The following PTK2 variants were observed in gnomAD, a reference collection of about 807,000 sequenced individuals.
PTK2 encodes protein tyrosine kinase 2.
PTK2 carries 45 observed loss-of-function variants against 150.1 expected under a neutral mutation model. That is an observed-to-expected ratio of 0.30 (90% CI 0.24 to 0.38). PTK2 has a LOEUF of 0.38. Among genes scored for constraint, PTK2 ranks in the 10% least tolerant of loss-of-function variants. PTK2 has a pLI of 1.00. For synonymous variants in PTK2, 432 were observed against 449.2 expected (o/e 0.96, Z 0.48); for missense variants, 919 against 1,307.3 (o/e 0.70, Z 4.58).
chr8:140,927,145 G>C (rs904921339), intron 1 of PTK2, among the ~76,000 whole-genome samples: 1 of 152,150 alleles, frequency 6.6e-6, no homozygotes, highest in African/African-American at 2.4e-5. Context: ...TTATAAAACA[G>C]AGTTTTTTTT....
chr8:140,935,373 A>G (rs567673455), intron 1 of PTK2, among the ~76,000 whole-genome samples: 9 of 152,224 alleles, frequency 5.9e-5, no homozygotes, highest in East Asian at 5.8e-4. Flanking sequence ...GTAAGCACCT[A>G]TGCCTCAGAG....
intron 1 of PTK2, among the ~76,000 whole-genome samples, chr8:140,945,948 A>C (rs1182787070): frequency 1.3e-5 from 2 of 152,098 alleles, no homozygotes; most frequent in African/African-American, 4.8e-5. Context: ...TTTTTCAATC[A>C]GTATTTTCTA....
At chr8:140,907,531 A>G (rs553871932) in intron 2 of PTK2, among the ~76,000 whole-genome samples, 1 of 152,282 alleles carries the variant, frequency 6.6e-6, no homozygotes, top group East Asian at 1.9e-4. Context: ...ATAGAAATTG[A>G]TAATTCATCC....
At chr8:140,811,345 G>A (rs2100101432) in intron 10 of PTK2, among the ~76,000 whole-genome samples, 1 of 152,188 alleles carries the variant, frequency 6.6e-6, no homozygotes, top group Admixed American at 6.5e-5. Flanking sequence ...CCAGTCAGTT[G>A]AGTCCACCTT....
intron 22 of PTK2, among the ~76,000 whole-genome samples, chr8:140,731,118 C>T (rs534412173): frequency 1.6e-4 from 25 of 152,130 alleles, no homozygotes; most frequent in African/African-American, 5.8e-4. Context: ...TGCCACCACG[C>T]CGGGCTAATT....
exon 3 of PTK2, chr8:140,890,580 G>C: frequency 1.2e-6 from 2 of 1,613,996 alleles, no homozygotes; most frequent in Non-Finnish European, 1.7e-6. Flanking sequence ...GATAATACTG[G>C]CCCAGGTGGT....
At chr8:140,840,696 T>C (rs2100121830) in intron 7 of PTK2, among the ~76,000 whole-genome samples, 1 of 152,092 alleles carries the variant, frequency 6.6e-6, no homozygotes, top group African/African-American at 2.4e-5. Context: ...ACACAGCACA[T>C]GCACTCACAC....
chr8:140,694,848 C>G (rs1043539112), intron 26 of PTK2, among the ~76,000 whole-genome samples: 8 of 152,228 alleles, frequency 5.3e-5, no homozygotes, highest in African/African-American at 1.2e-4. Flanking sequence ...AACCAGAGAC[C>G]TAGCTGCCAC....
intron 14 of PTK2, among the ~76,000 whole-genome samples, chr8:140,783,887 G>A (rs553856693): frequency 6.6e-6 from 1 of 152,180 alleles, no homozygotes; most frequent in Non-Finnish European, 1.5e-5. Flanking sequence ...GGCCAGGCGT[G>A]GTGGCTCACG....
chr8:140,890,545 T>C, exon 3 of PTK2: 1 of 1,613,054 alleles, frequency 6.2e-7, no homozygotes. Flanking sequence ...GTACTTACCC[T>C]GACATCAGTA....
chr8:140,854,681 G>C (rs1164905974), intron 5 of PTK2, among the ~76,000 whole-genome samples: 1 of 152,018 alleles, frequency 6.6e-6, no homozygotes, highest in Non-Finnish European at 1.5e-5. Flanking sequence ...AAAATATTTA[G>C]TAAGTCATTG....
At chr8:140,760,258 A>C (rs973546532) in intron 16 of PTK2, among the ~76,000 whole-genome samples, 3 of 152,112 alleles carry the variant, frequency 2.0e-5, no homozygotes, top group Admixed American at 6.6e-5. Flanking sequence ...ATATATATAT[A>C]TCCACAGAAA....
rs187832445 is a variant in PTK2, at chr8:140,827,925, G to C, written c.648+2547C>G. Among the ~76,000 whole-genome samples the C allele has an allele frequency of 4.3e-3, 657 of 152,268 alleles. 4 individuals carry two copies. The highest frequency in any genetic ancestry group is 0.015 in the African/African-American group (625 of 41,570). ...CTCACGCCTGTAATCCCAGCACTTTGGGAGGCCAAGGTGGGTGGATCACTT... is the reference window on the plus strand; with the variant it reads ...CTCACGCCTGTAATCCCAGCACTTTCGGAGGCCAAGGTGGGTGGATCACTT... On this transcript the variant is annotated intron_variant, in intron 8 of 31. Coordinates refer to ENST00000522684, the Ensembl canonical transcript of PTK2.
chr8:140,991,869 C>T (rs761204992), intron 1 of PTK2, among the ~76,000 whole-genome samples: 2 of 151,992 alleles, frequency 1.3e-5, no homozygotes, highest in African/African-American at 2.4e-5. Context: ...ATCAGCTAGG[C>T]GTAGTGGCAT....
At chr8:140,909,458 GAGA>G (rs1429077210) in intron 2 of PTK2, 1 of 152,098 alleles carries the variant, frequency 6.6e-6, no homozygotes, top group African/African-American at 2.4e-5. Flanking sequence ...CCTACAACTG[GAGA>G]AGGTTAGAAA....
intron 1 of PTK2, among the ~76,000 whole-genome samples, chr8:140,930,143 G>C (rs1454473747): frequency 1.3e-5 from 2 of 152,116 alleles, no homozygotes; most frequent in East Asian, 3.9e-4. Context: ...TTGTAATACT[G>C]AAACACTGTT....
rs193223649 is a variant in PTK2 at position 140,676,221 on chromosome 8, C to G, written c.2563-722G>C. Among the ~76,000 whole-genome samples the G allele has an allele frequency of 1.8e-3, 266 of 151,996 alleles. 1 individual carries two copies. Among genetic ancestry groups the G allele is most frequent in the Middle Eastern group, 6.8e-3 (2 of 294 alleles). Reference sequence around the variant, plus strand: ...CAAAACCCTGTCTCTACTAAAAACACAAAAATTAGCTGGGCGTGGTGGTAC... The same window carrying G: ...CAAAACCCTGTCTCTACTAAAAACAGAAAAATTAGCTGGGCGTGGTGGTAC... On this transcript the variant is annotated intron_variant, in intron 27 of 31. Coordinates refer to ENST00000522684, the Ensembl canonical transcript of PTK2.
At chr8:140,800,334 G>T in intron 12 of PTK2, 125 bp downstream of exon 12, 1 of 807,266 alleles carries the variant, frequency 1.2e-6, no homozygotes, top group Non-Finnish European at 2.1e-6. Context: ...ATTATACTGA[G>T]CTGAATTATT....
At chr8:140,680,729 C>T (rs1403801124) in intron 27 of PTK2, among the ~76,000 whole-genome samples, 1 of 152,184 alleles carries the variant, frequency 6.6e-6, no homozygotes, top group African/African-American at 2.4e-5. Flanking sequence ...GCATTTGTCT[C>T]TTCAATACAA....
Sources: gnomAD v4.1 joint callset for allele counts (sites outside exome capture counted in the v4.1 genomes callset) on GRCh38, gnomAD v4.1.1 for gene constraint, MANE v1.5 for transcripts, NCBI Gene and HGNC (gene_info 2026-07-23, HGNC 2026-07-21) for gene names.